Variants in PCDH19 observed in about 807,000 individuals in gnomAD.
The protein encoded by PCDH19 is protocadherin-19.
Under a neutral mutation model 46.2 loss-of-function variants are expected in PCDH19, and 6 were observed. That is an observed-to-expected ratio of 0.13 (90% CI 0.07 to 0.26). The LOEUF is 0.26. Among genes scored for constraint, PCDH19 ranks in the 10% least tolerant of loss-of-function variants. The probability of loss-of-function intolerance (pLI) is 1.00; values close to 1 mark genes in which losing one functional copy is unlikely to be tolerated. For missense variants in PCDH19, 740 were observed against 972.3 expected (o/e 0.76, Z 3.18); for synonymous variants, 481 against 415.7 (o/e 1.16, Z -1.91).
At chrX:100,333,249 G>GAAAC (rs1298400505) in intron 5 of PCDH19, among the ~76,000 whole-genome samples, 21 of 105,227 alleles carry the variant, frequency 2.0e-4, no homozygotes, top group East Asian at 6.0e-4. Flanking sequence ...AAGAAAGAAA[G>GAAAC]GGAAAGTCCC....
chrX:100,358,928 T>C (rs1427131169), intron 3 of PCDH19, among the ~76,000 whole-genome samples: 1 of 112,312 alleles, frequency 8.9e-6, no homozygotes, highest in Admixed American at 9.4e-5. Flanking sequence ...CATTTGCCAG[T>C]GGAACAAATT....
chrX:100,401,578 G>A (rs1928180352), intron 3 of PCDH19, among the ~76,000 whole-genome samples: 1 of 110,019 alleles, frequency 9.1e-6, no homozygotes, highest in Non-Finnish European at 1.9e-5. Context: ...CTTGAAGCCG[G>A]GAGGTGGAGG....
At chrX:100,398,307 G>A (rs1057284372) in intron 3 of PCDH19, among the ~76,000 whole-genome samples, 10 of 112,050 alleles carry the variant, frequency 8.9e-5, no homozygotes, top group African/African-American at 3.2e-4. Flanking sequence ...CTGCAATACT[G>A]TAAACTGAGT....
intron 5 of PCDH19, among the ~76,000 whole-genome samples, chrX:100,298,679 G>A (rs1020654916): frequency 2.2e-4 from 25 of 111,406 alleles, no homozygotes; most frequent in African/African-American, 6.5e-4. Context: ...CCCTTTCTCC[G>A]CCCCTTCCCT....
Position 100,408,009 on chromosome X carries a change from C to T in PCDH19, c.589G>A (p.Asp197Asn). Residue 197 changes from aspartate (D) to asparagine (N), a missense_variant, in exon 1 of 6, where the codon GAC becomes AAC. Around this residue, in one of 5 missense-constraint regions of PCDH19, gnomAD observed 48 missense variants for 43.2 expected, o/e 1.11. Coordinates refer to ENST00000373034, the MANE Select transcript of PCDH19 (RefSeq NM_001184880.2). The stretch of plus-strand genomic sequence containing the variant: ...CTGTAGTGCGACTGCGTCTCGCGGT[C>T]CAGGCTCTTTTCCACCACGAGTTCG... Reference protein sequence around the residue: ...FAELVVEKSLDRETQSHYSFR... With the variant: ...FAELVVEKSLNRETQSHYSFR... The T allele has an allele frequency of 1.7e-6, 2 of 1,208,183 alleles. No individual in the cohort carries two copies. Among genetic ancestry groups the T allele is most frequent in the Non-Finnish European group, 2.2e-6 (2 of 895,622 alleles).
At chrX:100,337,696 T>C (rs1926127683) in intron 5 of PCDH19, among the ~76,000 whole-genome samples, 1 of 111,801 alleles carries the variant, frequency 8.9e-6, no homozygotes, top group Non-Finnish European at 1.9e-5. Flanking sequence ...ATGTGTCTGG[T>C]TGGACAATCA....
chrX:100,301,526 G>A (rs1267826078), intron 5 of PCDH19, among the ~76,000 whole-genome samples: 1 of 112,112 alleles, frequency 8.9e-6, no homozygotes, highest in Non-Finnish European at 1.9e-5. Context: ...CTTCTAAGTG[G>A]CAGCAGTAGT....
chrX:100,306,133 T>C (rs1315611319), intron 5 of PCDH19, among the ~76,000 whole-genome samples: 3 of 111,641 alleles, frequency 2.7e-5, no homozygotes, highest in Non-Finnish European at 5.7e-5. Flanking sequence ...CACCAGCACA[T>C]GGAACATTCT....
At chrX:100,403,458 AC>A in intron 2 of PCDH19, 65 bp downstream of exon 2, 1 of 964,162 alleles carries the variant, frequency 1.0e-6, no homozygotes, top group Non-Finnish European at 1.4e-6. Flanking sequence ...TCACCCCCCG[AC>A]CCCCTCCTCT....
Position 100,406,939 on chromosome X carries a change from G to A in PCDH19, c.1659C>T (p.Ile553=), listed in dbSNP as rs1928373010. ...CCGGGGTGTTGTCGTTGACGTCGAG[G>A]ATGATGACCCGCACCGTAGCGTTGC... ...LQSNATVRVI[I]LDVNDNTPVI... Residue 553 remains isoleucine, a synonymous_variant, in exon 1 of 6, where the codon ATC becomes ATT. Coordinates refer to ENST00000373034, the MANE Select transcript of PCDH19 (RefSeq NM_001184880.2). 8.3e-7 allele frequency: 1 copy of A among 1,211,976 alleles called. No individual in the cohort carries two copies. Among genetic ancestry groups the A allele is most frequent in the African/African-American group, 1.7e-5 (1 of 57,866 alleles).
intron 3 of PCDH19, among the ~76,000 whole-genome samples, chrX:100,358,964 A>G (rs1453202754): frequency 2.7e-5 from 3 of 112,245 alleles, no homozygotes; most frequent in Non-Finnish European, 5.6e-5. Context: ...CCTACCAAAC[A>G]TGTAACTACA....
chrX:100,363,647 A>AT (rs1019979651), intron 3 of PCDH19, among the ~76,000 whole-genome samples: 3 of 101,370 alleles, frequency 3.0e-5, no homozygotes, highest in Admixed American at 1.1e-4. Flanking sequence ...ATATGGGCAT[A>AT]TAATATATAT....
intron 3 of PCDH19, among the ~76,000 whole-genome samples, chrX:100,388,206 A>G (rs113418314): frequency 0.065 from 7,118 of 109,944 alleles, 222 homozygotes; most frequent in Non-Finnish European, 0.1. Context: ...GTGTGTATGA[A>G]TATATATATG....
At chrX:100,390,691 A>G (rs2147523387) in intron 3 of PCDH19, among the ~76,000 whole-genome samples, 1 of 111,903 alleles carries the variant, frequency 8.9e-6, no homozygotes, top group East Asian at 2.8e-4. Flanking sequence ...GTTTAAAAGA[A>G]AATCTACCAC....
rs113111288 is a variant in PCDH19 at position 100,303,892 on chromosome X, T to C, written c.2849-7017A>G. Reference sequence around the variant, plus strand: ...AGAAGGGAAAGGATGCCAGCACTGATTGGCATTCAAAACACCTATGTGGTG... The same window carrying C: ...AGAAGGGAAAGGATGCCAGCACTGACTGGCATTCAAAACACCTATGTGGTG... On this transcript the variant is annotated intron_variant, in intron 5 of 5. Transcript: ENST00000373034. Among the ~76,000 whole-genome samples, 736 of 112,473 alleles carry C rather than the reference T, an allele frequency of 6.5e-3. 10 individuals carry two copies. The highest frequency in any genetic ancestry group is 0.033 in the Admixed American group (351 of 10,672).
intron 5 of PCDH19, among the ~76,000 whole-genome samples, chrX:100,314,162 A>G (rs5920818): frequency 0.33 from 36,499 of 110,922 alleles, 5,371 homozygotes; most frequent in East Asian, 0.65. Flanking sequence ...AGGGAAACGA[A>G]CTGTTTGAAA....
chrX:100,376,235 C>CAAAAAAAAAAA (rs1171817638), intron 3 of PCDH19, among the ~76,000 whole-genome samples: 1 of 32,903 alleles, frequency 3.0e-5, no homozygotes, highest in Admixed American at 3.9e-4. Context: ...AACTCCGTCT[C>CAAAAAAAAAAA]AAAAAAAAAA....
At chrX:100,403,781 A>G in intron 1 of PCDH19, 117 bp from the exon 2 acceptor site, 1 of 571,832 alleles carries the variant, frequency 1.7e-6, no homozygotes, top group Middle Eastern at 3.4e-4. Flanking sequence ...ACTGACACAG[A>G]CCCAGCAACG....
intron 3 of PCDH19, among the ~76,000 whole-genome samples, chrX:100,366,850 C>A (rs1445318368): frequency 8.9e-6 from 1 of 112,109 alleles, no homozygotes; most frequent in Non-Finnish European, 1.9e-5. Context: ...AATTGCATTT[C>A]TTTTCTACCA....
Sources: allele counts gnomAD v4.1 joint callset (sites outside exome capture counted in the v4.1 genomes callset), GRCh38; gene constraint gnomAD v4.1.1; regional missense constraint gnomAD v4.1.1; transcripts MANE v1.5; gene names NCBI Gene and HGNC (gene_info 2026-07-23, HGNC 2026-07-21).